MED15: variants seen among roughly 807,000 people sequenced by gnomAD.
MED15 encodes mediator of RNA polymerase II transcription subunit 15.
MED15 carries 41 observed loss-of-function variants against 118.7 expected under a neutral mutation model. The ratio of observed to expected loss-of-function variants is 0.35; its 90% CI spans 0.27 to 0.45. MED15 has a LOEUF of 0.45. Among genes scored for constraint, MED15 ranks in the 20% least tolerant of loss-of-function variants. The pLI, the probability that MED15 is intolerant of heterozygous loss-of-function variation, is 1.00. For synonymous variants in MED15, 436 were observed against 413.9 expected (o/e 1.05, Z -0.65); for missense variants, 740 against 1,025.5 (o/e 0.72, Z 3.80).
chr22:20,512,587 C>CTTTTT (rs1001694854), intron 1 of MED15, among the ~76,000 whole-genome samples: 4 of 91,526 alleles, frequency 4.4e-5, no homozygotes, highest in Admixed American at 1.1e-4. Context: ...TGAGTCACCT[C>CTTTTT]TTTTTTTTTT....
chr22:20,518,479 T>C (rs965907462), intron 1 of MED15, among the ~76,000 whole-genome samples: 20 of 152,208 alleles, frequency 1.3e-4, no homozygotes, highest in African/African-American at 4.6e-4. Context: ...TGGTGAAGCT[T>C]TGACCTTGGC....
intron 1 of MED15, among the ~76,000 whole-genome samples, chr22:20,519,437 GT>G (rs367839665): frequency 1.2e-3 from 164 of 140,042 alleles, no homozygotes; most frequent in East Asian, 1.5e-3. Flanking sequence ...TTTTGAGGGT[GT>G]TTTTTTTTTT....
At chr22:20,578,900 AGGCTCCCTCCCTCTGTCTTGAC>A (rs1485503512) in intron 9 of MED15, among the ~76,000 whole-genome samples, 1 of 149,824 alleles carries the variant, frequency 6.7e-6, no homozygotes, top group Non-Finnish European at 1.5e-5. Flanking sequence ...GGCAGGGCCC[AGGCTCCCTCCCTCTGTCTTGAC>A]GGCTCATGGC....
chr22:20,569,298 G>A (rs2056557426), intron 8 of MED15, among the ~76,000 whole-genome samples: 1 of 152,190 alleles, frequency 6.6e-6, no homozygotes, highest in African/African-American at 2.4e-5. Flanking sequence ...TCCTTCTTGT[G>A]GGGAGACGTA....
chr22:20,580,895 G>T (rs1041899490), intron 9 of MED15, among the ~76,000 whole-genome samples: 1 of 152,204 alleles, frequency 6.6e-6, no homozygotes, highest in South Asian at 2.1e-4. Flanking sequence ...GAGAATCACC[G>T]CGAGCCATTT....
chr22:20,528,006 G>A (rs1049345486), intron 1 of MED15, among the ~76,000 whole-genome samples: 3 of 150,002 alleles, frequency 2.0e-5, no homozygotes, highest in African/African-American at 4.9e-5. Flanking sequence ...TCATCCTCTC[G>A]CCTCAGCCTC....
At chr22:20,538,240 C>A (rs1001924462) in intron 2 of MED15, among the ~76,000 whole-genome samples, 3 of 152,110 alleles carry the variant, frequency 2.0e-5, no homozygotes, top group Admixed American at 2.0e-4. Flanking sequence ...AGCCACCAAG[C>A]CTGGCCTAAT....
chr22:20,538,463 T>A (rs2055165432), intron 2 of MED15, among the ~76,000 whole-genome samples: 1 of 152,074 alleles, frequency 6.6e-6, no homozygotes, highest in Non-Finnish European at 1.5e-5. Context: ...TTGCCCAGGC[T>A]AGTCTTGAAC....
intron 9 of MED15, among the ~76,000 whole-genome samples, chr22:20,578,714 G>A (rs1366782390): frequency 6.6e-6 from 1 of 152,210 alleles, no homozygotes; most frequent in Non-Finnish European, 1.5e-5. Flanking sequence ...TGTCCAGATG[G>A]CCACTCTGTG....
intron 5 of MED15, among the ~76,000 whole-genome samples, chr22:20,561,477 G>A (rs1433351781): frequency 2.0e-5 from 3 of 151,342 alleles, no homozygotes; most frequent in Admixed American, 1.3e-4. Context: ...CCGAGATCAC[G>A]CCACTGCACT....
chr22:20,567,892 C>T (rs1282054440), intron 7 of MED15, among the ~76,000 whole-genome samples: 1 of 152,114 alleles, frequency 6.6e-6, no homozygotes, highest in Non-Finnish European at 1.5e-5. Context: ...GACAGGGTCT[C>T]TGTTTTCCAG....
At chr22:20,523,642 C>T in intron 1 of MED15, 1 of 985,390 alleles carries the variant, frequency 1.0e-6, no homozygotes, top group Non-Finnish European at 1.2e-6. Flanking sequence ...TCCTCCTTGC[C>T]ACATGCTTGC....
At position 20,567,067 on chromosome 22, in the gene MED15, C is replaced by T. The variant is rs183340114; in HGVS notation, c.1041+250C>T. ...TGCTGCTGCTACTGGGGCACCAAGT[C>T]GCATTCCAAGCAGTGTGGCTGATTG... On this transcript the variant is annotated intron_variant, in intron 7 of 17. Coordinates refer to ENST00000263205, the MANE Select transcript of MED15 (RefSeq NM_001003891.3). Among the ~76,000 whole-genome samples, 47 of 152,308 alleles carry T rather than the reference C, an allele frequency of 3.1e-4. No homozygotes were observed. In the East Asian group the frequency reaches 6.9e-3, roughly 22 times the overall value.
chr22:20,509,449 AATGATTGTGGC>A (rs2053987655), intron 1 of MED15, among the ~76,000 whole-genome samples: 1 of 152,034 alleles, frequency 6.6e-6, no homozygotes, highest in Non-Finnish European at 1.5e-5. Flanking sequence ...TGCTCCGTAA[AATGATTGTGGC>A]ATGACCTAGT....
rs533203442 is a variant in MED15 at position 20,523,869 on chromosome 22, A to G, written c.69-13248A>G. ...CCTTTTCTGCAGGTTAGTTCTTTCA[A>G]TGATCTTGTTTACTGGGAGTTGAGA... is the stretch of plus-strand genomic sequence containing the variant. On this transcript the variant is annotated intron_variant, in intron 1 of 17. Transcript: ENST00000263205. 8.3e-5 allele frequency: 82 copies of G among 983,176 alleles called. No individual in the cohort carries two copies. The South Asian group carries it at 2.9e-3, about 35-fold the overall frequency. 60.9% of individuals were successfully genotyped at this position (983,176 alleles called of 1,614,324 possible).
chr22:20,584,759 TCTGA>T, intron 14 of MED15, 92 bp from the exon 15 acceptor site: 3 of 1,463,538 alleles, frequency 2.0e-6, no homozygotes, highest in South Asian at 2.4e-5. Flanking sequence ...GCCTCGGGAA[TCTGA>T]CTGTGAGTGA....
At position 20,584,460 on chromosome 22, in the gene MED15, G is replaced by A. The variant is rs779121893; in HGVS notation, c.1803+35G>A. ...ATGCCAGACACCCCTAGGGGAACCA[G>A]GGCTCTCCTAAGAGCTCCTGGGAGT... On this transcript the variant is annotated intron_variant, in intron 14 of 17. Coordinates refer to ENST00000263205, the MANE Select transcript of MED15 (RefSeq NM_001003891.3). The A allele has an allele frequency of 1.9e-6, 3 of 1,607,614 alleles. No homozygotes were observed. In the South Asian group the frequency reaches 3.3e-5, roughly 18 times the overall value.
chr22:20,554,096 G>A (rs746256277), intron 4 of MED15: 2 of 152,320 alleles, frequency 1.3e-5, no homozygotes, highest in African/African-American at 2.4e-5. Flanking sequence ...CATGCCAGCT[G>A]TCTCTGCCCA....
intron 2 of MED15, among the ~76,000 whole-genome samples, chr22:20,548,037 T>C (rs1413253437): frequency 6.6e-6 from 1 of 152,176 alleles, no homozygotes; most frequent in Admixed American, 6.5e-5. Context: ...TAAAATTCAC[T>C]GAGTTGCCCC....
Sources: gnomAD v4.1 joint callset for allele counts (sites outside exome capture counted in the v4.1 genomes callset) on GRCh38, gnomAD v4.1.1 for gene constraint, MANE v1.5 for transcripts, NCBI Gene and HGNC (gene_info 2026-07-23, HGNC 2026-07-21) for gene names.